DST: variants seen among roughly 807,000 people sequenced by gnomAD.
DST encodes the protein bullous pemphigoid antigen.
Under a neutral mutation model 875.2 loss-of-function variants are expected in DST, and 253 were observed. The ratio of observed to expected loss-of-function variants is 0.29; its 90% CI spans 0.26 to 0.32. The LOEUF is 0.32. Ranked by LOEUF, DST falls within the 10% of genes least tolerant of loss-of-function variation. DST has a pLI of 1.00. For missense variants in DST, 8,287 were observed against 9,111.6 expected, an observed-to-expected ratio of 0.91 and a Z score of 3.68; for synonymous variants, 3,124 against 3,197.1, an observed-to-expected ratio of 0.98 and a Z score of 0.77.
chr6:56,705,556 A>C (rs947801050), intron 5 of DST, among the ~76,000 whole-genome samples: 14 of 152,232 alleles, frequency 9.2e-5, no homozygotes, highest in African/African-American at 2.2e-4. Context: ...GACTCTCTCT[A>C]TATATATGTT....
chr6:56,574,613 A>G (rs2097837240), intron 50 of DST, among the ~76,000 whole-genome samples: 1 of 152,138 alleles, frequency 6.6e-6, no homozygotes, highest in Non-Finnish European at 1.5e-5. Flanking sequence ...ATGAGGATAA[A>G]CTTTATCTTC....
At chr6:56,573,501 T>C (rs2097809566) in intron 51 of DST, among the ~76,000 whole-genome samples, 178 bp downstream of exon 51, 1 of 152,220 alleles carries the variant, frequency 6.6e-6, no homozygotes, top group African/African-American at 2.4e-5. Context: ...CCTACACTTC[T>C]TCACAGATAA....
chr6:56,916,778 T>TCTCTCTCTCTCTCTCACACACACA (rs1470233953), intron 2 of DST, among the ~76,000 whole-genome samples: 6 of 91,350 alleles, frequency 6.6e-5, no homozygotes, highest in African/African-American at 3.1e-4. Flanking sequence ...TCTCTCTCTC[T>TCTCTCTCTCTCTCTCACACACACA]CACACACACA....
intron 9 of DST, among the ~76,000 whole-genome samples, chr6:56,690,381 G>C (rs940183109): frequency 2.6e-5 from 4 of 151,964 alleles, no homozygotes; most frequent in African/African-American, 9.7e-5. Flanking sequence ...ATAACATGTT[G>C]ATAACATTTA....
intron 45 of DST, among the ~76,000 whole-genome samples, chr6:56,599,607 C>T (rs561241103): frequency 1.5e-4 from 23 of 152,102 alleles, no homozygotes; most frequent in Admixed American, 1.3e-3. Flanking sequence ...GTCCTGACAC[C>T]AAAATAAAGA....
intron 49 of DST, among the ~76,000 whole-genome samples, chr6:56,590,346 C>T (rs2152681766): frequency 6.6e-6 from 1 of 152,160 alleles, no homozygotes; most frequent in South Asian, 2.1e-4. Flanking sequence ...CTTTTATATG[C>T]AGTATAATCT....
chr6:56,525,483 A>G (rs1009933131), intron 69 of DST, among the ~76,000 whole-genome samples: 1 of 152,196 alleles, frequency 6.6e-6, no homozygotes, highest in African/African-American at 2.4e-5. Context: ...AGAACTAACT[A>G]TAAATTCCAT....
chr6:56,673,066 G>T (rs2099110244), intron 9 of DST, among the ~76,000 whole-genome samples: 1 of 151,858 alleles, frequency 6.6e-6, no homozygotes, highest in African/African-American at 2.4e-5. Context: ...ACCAGGCTGG[G>T]CAACATAGTG....
intron 4 of DST, among the ~76,000 whole-genome samples, chr6:56,764,697 C>T (rs758251953): frequency 7.9e-5 from 12 of 152,052 alleles, no homozygotes; most frequent in Non-Finnish European, 1.5e-4. Flanking sequence ...GTGGCTCATG[C>T]CTGTAATCCC....
chr6:56,798,608 C>T (rs766870254), intron 4 of DST, among the ~76,000 whole-genome samples: 17 of 152,064 alleles, frequency 1.1e-4, no homozygotes, highest in African/African-American at 3.4e-4. Context: ...GCATAACATC[C>T]GTTCTGTAGC....
intron 2 of DST, among the ~76,000 whole-genome samples, chr6:56,925,137 CTTTAA>C (rs1592565664): frequency 1.3e-5 from 2 of 152,204 alleles, no homozygotes; most frequent in East Asian, 3.9e-4. Context: ...AAAAGTATTT[CTTTAA>C]TTTAATAAGA....
At chr6:56,716,320 T>C (rs777241074) in intron 5 of DST, among the ~76,000 whole-genome samples, 1 of 152,210 alleles carries the variant, frequency 6.6e-6, no homozygotes, top group Admixed American at 6.5e-5. Context: ...GATAGCCTTT[T>C]CAACAAATGA....
chr6:56,843,302 G>T, intron 4 of DST: 2 of 1,236,222 alleles, frequency 1.6e-6, no homozygotes, highest in Non-Finnish European at 1.0e-6. Flanking sequence ...CAGAGCGGGG[G>T]CGCAGGGGGC....
intron 72 of DST, 71 bp downstream of exon 72, chr6:56,515,379 T>G: frequency 6.5e-7 from 1 of 1,548,008 alleles, no homozygotes; most frequent in Non-Finnish European, 8.8e-7. Context: ...TTAACTGTAC[T>G]AAAAACCACC....
chr6:56,501,094 G>A lies in DST; in HGVS notation c.19882C>T (p.Leu6628Phe). Residue 6628 changes from leucine (L) to phenylalanine (F), a missense_variant, in exon 80 of 104, where the codon CTT (leucine) becomes TTT (phenylalanine). This residue lies in a region of DST where 1,292 missense variants were observed against 1,552.7 expected (regional missense o/e 0.83). Transcript: ENST00000680361. ...CAGCTACGTACATGATGCTTGGCAA[G>A]TTCAATTTCAATGGCTTTAGGGTCT... ...GGDPKAIEIE[L>F]AKHHVLQNDV... 3 of 1,612,410 alleles carry A rather than the reference G, an allele frequency of 1.9e-6. No homozygotes were observed. The highest frequency in any genetic ancestry group is 2.2e-5 in the East Asian group (1 of 44,820).
At position 56,954,682 on chromosome 6, in the gene DST, G is replaced by A; in HGVS notation, c.-95C>T. 2 of 859,798 alleles carry A rather than the reference G, an allele frequency of 2.3e-6. No individual in the cohort carries two copies. The highest frequency in any genetic ancestry group is 2.9e-6 in the Non-Finnish European group (2 of 695,262). 53.3% of individuals were successfully genotyped at this position (859,798 alleles called of 1,614,324 possible). A position where few individuals can be genotyped will look rare whatever the true frequency, so the allele number is the denominator to read the frequency against. On this transcript the variant is annotated 5_prime_UTR_variant, in exon 1 of 104. Transcript: ENST00000680361. ...GCACGCCGGGACGGCGGGCACGGGT[G>A]AGCGCGGCTCAGCGCGTCATGCCTG...
intron 2 of DST, among the ~76,000 whole-genome samples, chr6:56,902,724 C>T (rs929854191): frequency 3.3e-5 from 5 of 152,204 alleles, no homozygotes; most frequent in African/African-American, 1.2e-4. Context: ...CCCAGAACAT[C>T]CCCACCACTC....
At chr6:56,536,153 G>GC (rs2096994085) in intron 62 of DST, among the ~76,000 whole-genome samples, 1 of 152,186 alleles carries the variant, frequency 6.6e-6, no homozygotes, top group South Asian at 2.1e-4. Context: ...AGAGCTGCCT[G>GC]CCATCGTATG....
intron 9 of DST, among the ~76,000 whole-genome samples, chr6:56,674,210 T>C (rs1337658220): frequency 6.6e-6 from 1 of 152,194 alleles, no homozygotes; most frequent in Non-Finnish European, 1.5e-5. Context: ...AGGGTTTCAA[T>C]TCATGCTGCC....
Sources: gnomAD v4.1 joint callset for allele counts (sites outside exome capture counted in the v4.1 genomes callset) on GRCh38, gnomAD v4.1.1 for gene constraint, gnomAD v4.1.1 regional missense constraint, MANE v1.5 for transcripts, NCBI Gene and HGNC (gene_info 2026-07-23, HGNC 2026-07-21) for gene names.